Variants in TNPO1 observed in about 807,000 individuals in gnomAD.
TNPO1 encodes the protein transportin 1.
In TNPO1, 8 loss-of-function variants were observed where a neutral mutation model predicts 119.5. That is an observed-to-expected ratio of 0.07 (90% CI 0.04 to 0.12). The LOEUF is 0.12. TNPO1 is among the 10% of genes least tolerant of loss of function. TNPO1 has a pLI of 1.00. For synonymous variants in TNPO1, 362 were observed against 363.0 expected (o/e 1.00, Z 0.03); for missense variants, 576 against 1,089.8 (o/e 0.53, Z 6.64).
At chr5:72,825,169 G>A (rs957289224) in intron 1 of TNPO1, among the ~76,000 whole-genome samples, 1 of 152,102 alleles carries the variant, frequency 6.6e-6, no homozygotes, top group Non-Finnish European at 1.5e-5. Flanking sequence ...ACTGAAATAG[G>A]TTACTACCTG....
chr5:72,905,916 T>C (rs1750109649), intron 24 of TNPO1, among the ~76,000 whole-genome samples: 1 of 151,914 alleles, frequency 6.6e-6, no homozygotes, highest in South Asian at 2.1e-4. Flanking sequence ...GAAAATAAAA[T>C]TACTCAAGTG....
chr5:72,886,134 C>T (rs1748609518), intron 11 of TNPO1, among the ~76,000 whole-genome samples: 2 of 151,598 alleles, frequency 1.3e-5, no homozygotes, highest in African/African-American at 4.9e-5. Context: ...GAACACGTTC[C>T]TACCCATAAC....
chr5:72,864,932 A>G (rs1356996784), intron 5 of TNPO1, among the ~76,000 whole-genome samples: 1 of 152,208 alleles, frequency 6.6e-6, no homozygotes, highest in East Asian at 1.9e-4. Context: ...AATGGTATTA[A>G]TGACCTCTCT....
intron 24 of TNPO1, among the ~76,000 whole-genome samples, chr5:72,905,795 GC>G (rs1376171732): frequency 1.3e-5 from 2 of 152,188 alleles, no homozygotes; most frequent in East Asian, 3.9e-4. Context: ...TACTCAGGAG[GC>G]TGAGGTGGGA....
At chr5:72,860,563 A>T (rs1746363032) in intron 4 of TNPO1, among the ~76,000 whole-genome samples, 1 of 152,240 alleles carries the variant, frequency 6.6e-6, no homozygotes, top group Non-Finnish European at 1.5e-5. Flanking sequence ...ATTCAGTCAG[A>T]ACAACATGAT....
chr5:72,892,194 C>A (rs1749112956), intron 15 of TNPO1, among the ~76,000 whole-genome samples: 1 of 151,858 alleles, frequency 6.6e-6, no homozygotes, highest in Non-Finnish European at 1.5e-5. Context: ...TCTTTTCACT[C>A]ATACATATAT....
intron 2 of TNPO1, among the ~76,000 whole-genome samples, chr5:72,850,721 CT>C (rs1745481091): frequency 6.6e-6 from 1 of 152,118 alleles, no homozygotes; most frequent in Non-Finnish European, 1.5e-5. Flanking sequence ...ATAATGCTGA[CT>C]TTATAATAAG....
chr5:72,863,396 C>T (rs1353527542), intron 5 of TNPO1, among the ~76,000 whole-genome samples: 1 of 152,078 alleles, frequency 6.6e-6, no homozygotes, highest in African/African-American at 2.4e-5. Flanking sequence ...TGCATGAGTT[C>T]AAGACCAGCC....
In TNPO1 at chr5:72,893,446, C is replaced by T. The variant is rs576911941; in HGVS notation, c.1966C>T (p.Leu656=). 1 of 1,614,148 alleles carries T rather than the reference C, an allele frequency of 6.2e-7. No individual in the cohort carries two copies. Among genetic ancestry groups the T allele is most frequent in the East Asian group, 2.2e-5 (1 of 44,878 alleles). Residue 656 remains leucine (L), a synonymous_variant, in exon 17 of 25, where the codon CTG becomes TTG. Coordinates refer to ENST00000337273, the MANE Select transcript of TNPO1 (RefSeq NM_002270.4). ...TTTTATGATAGTGGCTCTTGATTTA[C>T]TGAGTGGCCTGGCTGAAGGACTTGG... is the stretch of plus-strand genomic sequence containing the variant. ...KDFMIVALDL[L]SGLAEGLGGN... is the part of the protein sequence containing the mutation.
At chr5:72,817,744 TATGGTGTA>T (rs1265950258) in intron 1 of TNPO1, among the ~76,000 whole-genome samples, 48 of 152,342 alleles carry the variant, frequency 3.2e-4, no homozygotes, top group Admixed American at 1.8e-3. Flanking sequence ...TTGCAAGATG[TATGGTGTA>T]ATAGGTGTTT....
At chr5:72,825,514 T>C (rs1466886634) in intron 1 of TNPO1, among the ~76,000 whole-genome samples, 3 of 152,228 alleles carry the variant, frequency 2.0e-5, no homozygotes, top group African/African-American at 4.8e-5. Context: ...CGTGAAACCC[T>C]GTCTCTACTA....
At chr5:72,876,240 A>G (rs371766749) in intron 8 of TNPO1, among the ~76,000 whole-genome samples, 9 of 152,200 alleles carry the variant, frequency 5.9e-5, no homozygotes, top group South Asian at 4.1e-4. Context: ...ACTCAGTAGC[A>G]AAAGAGTAGG....
intron 21 of TNPO1, 31 bp from the exon 22 acceptor site, chr5:72,900,943 A>G (rs1459785753): frequency 2.6e-6 from 4 of 1,510,080 alleles, no homozygotes; most frequent in Non-Finnish European, 3.7e-6. Context: ...CTTGTTACTT[A>G]AATGCTAAAC....
At chr5:72,868,229 G>A (rs553929033) in intron 6 of TNPO1, among the ~76,000 whole-genome samples, 10 of 151,762 alleles carry the variant, frequency 6.6e-5, no homozygotes, top group African/African-American at 2.2e-4. Context: ...TCAGGAGATC[G>A]AGACCATCCT....
intron 5 of TNPO1, among the ~76,000 whole-genome samples, chr5:72,863,445 AG>A (rs1746634112): frequency 6.6e-6 from 1 of 152,128 alleles, no homozygotes; most frequent in Non-Finnish European, 1.5e-5. Context: ...GAAATTGGCC[AG>A]GTGTGATGTG....
At chr5:72,858,041 GT>G (rs1580405578) in intron 4 of TNPO1, among the ~76,000 whole-genome samples, 2 of 152,206 alleles carry the variant, frequency 1.3e-5, no homozygotes, top group East Asian at 3.8e-4. Context: ...TTTAGTTTAT[GT>G]TAAGTAGATA....
At chr5:72,824,375 GTTCTCTCCTC>G (rs1455088481) in intron 1 of TNPO1, among the ~76,000 whole-genome samples, 1 of 152,122 alleles carries the variant, frequency 6.6e-6, no homozygotes, top group Admixed American at 6.5e-5. Flanking sequence ...CTATTGCCAA[GTTCTCTCCTC>G]TAGTACTCTG....
At chr5:72,875,769 A>T (rs547186116) in intron 8 of TNPO1, 32 bp downstream of exon 8, 66 of 1,583,394 alleles carry the variant, frequency 4.2e-5, no homozygotes, top group Non-Finnish European at 5.4e-5. Context: ...CTCTTTCATC[A>T]TCTTTCCCCT....
intron 9 of TNPO1, among the ~76,000 whole-genome samples, chr5:72,877,662 T>C (rs948788179): frequency 6.6e-6 from 1 of 152,186 alleles, no homozygotes; most frequent in Non-Finnish European, 1.5e-5. Context: ...ACAGACTCTA[T>C]TGTGAAGTTT....
Sources: gnomAD v4.1 joint callset for allele counts (sites outside exome capture counted in the v4.1 genomes callset) on GRCh38, gnomAD v4.1.1 for gene constraint, MANE v1.5 for transcripts, NCBI Gene and HGNC (gene_info 2026-07-23, HGNC 2026-07-21) for gene names.